Variants in SNX2 observed in about 807,000 individuals in gnomAD.
SNX2 encodes the protein sorting nexin 2.
Under a neutral mutation model 69.9 loss-of-function variants are expected in SNX2, and 25 were observed. The ratio of observed to expected loss-of-function variants is 0.36; its 90% CI spans 0.26 to 0.50. The LOEUF (loss-of-function observed/expected upper bound fraction) is 0.50. Ranked by LOEUF, SNX2 falls within the 20% of genes least tolerant of loss-of-function variation. The pLI is 0.97. For synonymous variants in SNX2, 229 were observed against 200.4 expected, an observed-to-expected ratio of 1.14 and a Z score of -1.20; for missense variants, 551 against 613.3, an observed-to-expected ratio of 0.90 and a Z score of 1.07.
intron 6 of SNX2, among the ~76,000 whole-genome samples, chr5:122,805,324 T>C (rs1217018410): frequency 6.6e-6 from 1 of 151,424 alleles, no homozygotes; most frequent in Non-Finnish European, 1.5e-5. Context: ...TGCTGATTTA[T>C]TTTTTCCCCC....
At position 122,801,948 on chromosome 5, in the gene SNX2, T is replaced by C. The variant is rs767472105; in HGVS notation, c.457+13T>C. ...CCAGAAAAAGTTGGTGAGTCAATAC[T>C]TATTATATTTTGTATTTACTTTTTA... is the stretch of plus-strand genomic sequence containing the variant. On this transcript the variant is annotated intron_variant, in intron 4 of 14. Coordinates refer to ENST00000379516, the MANE Select transcript of SNX2 (RefSeq NM_003100.4). The C allele has an allele frequency of 5.1e-6, 8 of 1,576,374 alleles. No homozygotes were observed. In the South Asian group the frequency reaches 7.9e-5, roughly 16 times the overall value.
intron 10 of SNX2, 93 bp downstream of exon 10, chr5:122,817,466 TG>T: frequency 1.3e-6 from 1 of 776,264 alleles, no homozygotes; most frequent in Non-Finnish European, 2.0e-6. Context: ...CTGAAGTTAT[TG>T]CAGAAGAGAG....
At chr5:122,803,675 T>C (rs1753564969) in intron 6 of SNX2, 62 bp downstream of exon 6, 3 of 1,311,644 alleles carry the variant, frequency 2.3e-6, no homozygotes, top group Admixed American at 4.6e-5. Flanking sequence ...TTTAACTGTA[T>C]AGATTTGTGG....
chr5:122,803,729 TAACTG>T (rs1753566289), intron 6 of SNX2, 116 bp downstream of exon 6: 5 of 708,230 alleles, frequency 7.1e-6, no homozygotes, highest in Non-Finnish European at 9.1e-6. Flanking sequence ...TGTGTAGACA[TAACTG>T]AATTTAAGTA....
intron 6 of SNX2, among the ~76,000 whole-genome samples, chr5:122,804,139 G>T (rs1277658235): frequency 6.6e-6 from 1 of 151,910 alleles, no homozygotes; most frequent in Admixed American, 6.6e-5. Flanking sequence ...AAAAAATTGG[G>T]TTGAAATTTA....
chr5:122,815,840 T>A (rs910668304), intron 7 of SNX2, 56 bp from the exon 8 acceptor site: 3 of 912,274 alleles, frequency 3.3e-6, no homozygotes, highest in Non-Finnish European at 5.1e-6. Flanking sequence ...TATCATTTTG[T>A]TGAACTGTAA....
chr5:122,794,994 G>C (rs1034472579), intron 1 of SNX2, among the ~76,000 whole-genome samples: 1 of 152,072 alleles, frequency 6.6e-6, no homozygotes, highest in African/African-American at 2.4e-5. Flanking sequence ...CTACACTCCA[G>C]CCTGGGCCAT....
chr5:122,783,125 T>G (rs1259114115), intron 1 of SNX2, among the ~76,000 whole-genome samples: 1 of 151,698 alleles, frequency 6.6e-6, no homozygotes, highest in Admixed American at 6.6e-5. Flanking sequence ...TTTTGTATTT[T>G]TAGCAGAGAC....
intron 7 of SNX2, among the ~76,000 whole-genome samples, chr5:122,814,752 T>TTTTTTTTTG (rs1554063745): frequency 7.0e-5 from 9 of 129,146 alleles, no homozygotes; most frequent in Non-Finnish European, 1.5e-4. Context: ...AGATAGCAGG[T>TTTTTTTTTG]TTTTTTTTGT....
chr5:122,805,185 G>C (rs564537324), intron 6 of SNX2, among the ~76,000 whole-genome samples: 6 of 151,702 alleles, frequency 4.0e-5, no homozygotes, highest in Non-Finnish European at 5.9e-5. Context: ...CAGCTACTTG[G>C]GAGGCTGAGA....
At chr5:122,800,740 A>G (rs1753487829) in intron 3 of SNX2, among the ~76,000 whole-genome samples, 1 of 152,234 alleles carries the variant, frequency 6.6e-6, no homozygotes, top group African/African-American at 2.4e-5. Context: ...GTTTTACTTT[A>G]AAAATATCTG....
At chr5:122,775,339 G>A in intron 1 of SNX2, 128 bp downstream of exon 1, 1 of 1,390,778 alleles carries the variant, frequency 7.2e-7, no homozygotes, top group Non-Finnish European at 9.4e-7. Context: ...CCTGTGACGC[G>A]AGCCCCACCT....
intron 1 of SNX2, among the ~76,000 whole-genome samples, chr5:122,790,164 G>A (rs1372622139): frequency 6.6e-6 from 1 of 152,092 alleles, no homozygotes; most frequent in African/African-American, 2.4e-5. Flanking sequence ...TGTTGCCCAG[G>A]TTGGAGTGCA....
At chr5:122,816,870 G>C in intron 8 of SNX2, 45 bp from the exon 9 acceptor site, 2 of 1,212,604 alleles carry the variant, frequency 1.6e-6, no homozygotes, top group Non-Finnish European at 2.4e-6. Flanking sequence ...TAAACCTCCA[G>C]GCTTTTAACC....
At chr5:122,780,334 C>G (rs1229630678) in intron 1 of SNX2, among the ~76,000 whole-genome samples, 1 of 152,068 alleles carries the variant, frequency 6.6e-6, no homozygotes, top group Non-Finnish European at 1.5e-5. Flanking sequence ...AAAATCTGCA[C>G]AAGGTACAGA....
intron 1 of SNX2, among the ~76,000 whole-genome samples, chr5:122,780,311 A>G (rs898819556): frequency 6.6e-6 from 1 of 152,238 alleles, no homozygotes; most frequent in African/African-American, 2.4e-5. Flanking sequence ...ACCAGGTGAT[A>G]TATGTGTAAT....
chr5:122,795,341 A>G lies in SNX2; in HGVS notation c.184A>G (p.Thr62Ala), dbSNP rs2150005644. ...TGCAAACTCCAATGGCCCAAAACCC[A>G]CAGAAGTTGTATTAGATGATGACAG... ...ISANSNGPKP[T>A]EVVLDDDRED... Residue 62 changes from threonine (T) to alanine (A), a missense_variant, in exon 2 of 15, where the codon ACA (threonine) becomes GCA (alanine). By Grantham distance (58) the Thr-to-Ala change is moderately conservative. Transcript: ENST00000379516. The G allele has an allele frequency of 6.2e-7, 1 of 1,613,890 alleles. No individual in the cohort carries two copies. Among genetic ancestry groups the G allele is most frequent in the Non-Finnish European group, 8.5e-7 (1 of 1,179,808 alleles).
chr5:122,803,348 A>G (rs192091709), intron 5 of SNX2, 124 bp from the exon 6 acceptor site: 22 of 819,800 alleles, frequency 2.7e-5, no homozygotes, highest in Non-Finnish European at 3.7e-5. Context: ...ATACCACATT[A>G]GTTAGATACT....
At chr5:122,775,572 G>C (rs745496797) in intron 1 of SNX2, 49 of 1,002,310 alleles carry the variant, frequency 4.9e-5, no homozygotes, top group Non-Finnish European at 5.6e-5. Context: ...CCTCCACCGA[G>C]CTCTTTTGAA....
Sources: gnomAD v4.1 joint callset for allele counts (sites outside exome capture counted in the v4.1 genomes callset) on GRCh38, gnomAD v4.1.1 for gene constraint, MANE v1.5 for transcripts, NCBI Gene and HGNC (gene_info 2026-07-23, HGNC 2026-07-21) for gene names.